IBTK: variants seen among roughly 807,000 people sequenced by gnomAD.
IBTK encodes the protein BTK-binding protein.
Under a neutral mutation model 154.9 loss-of-function variants are expected in IBTK, and 83 were observed. The ratio of observed to expected loss-of-function variants is 0.54; its 90% CI spans 0.45 to 0.64. IBTK has a LOEUF of 0.64. Ranked by LOEUF, IBTK falls within the 30% of genes least tolerant of loss-of-function variation. IBTK has a pLI of 0.00. For synonymous variants in IBTK, 515 were observed against 536.1 expected (o/e 0.96, Z 0.54); for missense variants, 1,332 against 1,584.6 (o/e 0.84, Z 2.71).
At chr6:82,246,039 T>C (rs1380254972) in intron 1 of IBTK, among the ~76,000 whole-genome samples, 1 of 152,190 alleles carries the variant, frequency 6.6e-6, no homozygotes, top group East Asian at 1.9e-4. Context: ...TATGATCACT[T>C]TCATTTTCTG....
intron 6 of IBTK, 32 bp downstream of exon 6, chr6:82,225,445 A>G (rs1269844238): frequency 1.9e-6 from 3 of 1,566,610 alleles, no homozygotes; most frequent in African/African-American, 1.4e-5. Context: ...TTGCAAATGT[A>G]AAACCTTATT....
At position 82,240,368 on chromosome 6, in the gene IBTK, T is replaced by C; in HGVS notation, c.119A>G (p.His40Arg). ...CTTGATAGTTGCAGCATTGTAACAA[T>C]GACTGGAGAGAAAGGCCTTAATCTG... ...ENQIKAFLSS[H>R]CYNAATIKDV... is the part of the protein sequence containing the mutation. The change falls in exon 2 of 29, where the codon CAT (histidine) becomes CGT (arginine). Residue 40 changes from histidine (H) to arginine (R), a missense_variant. By Grantham distance (29) the His-to-Arg change is conservative. Around this residue, in one of 3 missense-constraint regions of IBTK, gnomAD observed 84 missense variants for 96.2 expected, o/e 0.87. Transcript: ENST00000306270. 1.9e-6 allele frequency: 3 copies of C among 1,614,202 alleles called. No homozygotes were observed.
intron 26 of IBTK, among the ~76,000 whole-genome samples, chr6:82,180,162 C>T (rs1248793311): frequency 6.6e-6 from 1 of 152,132 alleles, no homozygotes; most frequent in African/African-American, 2.4e-5. Flanking sequence ...ATAAGCCTAT[C>T]ATAATTATAA....
At chr6:82,206,701 G>A (rs1006089825) in intron 16 of IBTK, among the ~76,000 whole-genome samples, 1 of 151,900 alleles carries the variant, frequency 6.6e-6, no homozygotes, top group African/African-American at 2.4e-5. Flanking sequence ...CTCAAAAAAC[G>A]CTAAGAAACT....
At chr6:82,201,131 A>G (rs1769194014) in intron 19 of IBTK, among the ~76,000 whole-genome samples, 1 of 152,128 alleles carries the variant, frequency 6.6e-6, no homozygotes, top group South Asian at 2.1e-4. Flanking sequence ...ATATGAATTC[A>G]TGTTTTTGCA....
chr6:82,183,153 T>C (rs1430210264), intron 25 of IBTK, among the ~76,000 whole-genome samples: 3 of 152,246 alleles, frequency 2.0e-5, no homozygotes, highest in African/African-American at 4.8e-5. Flanking sequence ...CTCATGCCTG[T>C]AATCCCAACA....
At chr6:82,188,476 T>C (rs1768635594) in intron 25 of IBTK, among the ~76,000 whole-genome samples, 1 of 152,148 alleles carries the variant, frequency 6.6e-6, no homozygotes, top group Non-Finnish European at 1.5e-5. Flanking sequence ...TTGTTTTCAG[T>C]TTGGGCTATT....
chr6:82,230,000 G>C (rs1175949421), intron 4 of IBTK, among the ~76,000 whole-genome samples: 1 of 152,072 alleles, frequency 6.6e-6, no homozygotes, highest in African/African-American at 2.4e-5. Flanking sequence ...CCTAAATATA[G>C]TGGTCATATT....
At chr6:82,232,058 TG>T (rs201478658) in intron 3 of IBTK, among the ~76,000 whole-genome samples, 34 of 111,716 alleles carry the variant, frequency 3.0e-4, no homozygotes, top group East Asian at 8.5e-4. Context: ...TTTTTTTTGT[TG>T]TTGTTTTTTT....
chr6:82,201,339 C>T (rs1013882367), intron 19 of IBTK, 83 bp downstream of exon 19: 2 of 889,840 alleles, frequency 2.2e-6, no homozygotes, highest in African/African-American at 3.5e-5. Flanking sequence ...CATTAGGAAA[C>T]TATTCCATTA....
chr6:82,202,723 A>C, intron 17 of IBTK, 78 bp from the exon 18 acceptor site: 1 of 734,838 alleles, frequency 1.4e-6, no homozygotes, highest in Non-Finnish European at 2.2e-6. Flanking sequence ...TTATGTCTAA[A>C]GCTGTACGAT....
chr6:82,196,153 A>T, intron 22 of IBTK, 145 bp downstream of exon 22: 1 of 635,244 alleles, frequency 1.6e-6, no homozygotes, highest in Non-Finnish European at 2.5e-6. Flanking sequence ...GTGCAAATTT[A>T]AGAAAACTAA....
intron 21 of IBTK, among the ~76,000 whole-genome samples, chr6:82,199,702 C>T (rs1357409502): frequency 6.6e-6 from 1 of 152,158 alleles, no homozygotes; most frequent in Non-Finnish European, 1.5e-5. Context: ...AAATCATCAA[C>T]AGCCACCCAT....
chr6:82,173,237 G>A, intron 27 of IBTK, 130 bp downstream of exon 27: 1 of 583,266 alleles, frequency 1.7e-6, no homozygotes, highest in Non-Finnish European at 3.0e-6. Context: ...CCTGACCTCA[G>A]ATGATCCACC....
At chr6:82,193,997 T>C (rs922004083) in intron 23 of IBTK, among the ~76,000 whole-genome samples, 1 of 152,000 alleles carries the variant, frequency 6.6e-6, no homozygotes, top group Non-Finnish European at 1.5e-5. Context: ...TTGACTTTTC[T>C]AAATAAATGA....
At chr6:82,243,687 A>T (rs1771039728) in intron 1 of IBTK, among the ~76,000 whole-genome samples, 1 of 152,194 alleles carries the variant, frequency 6.6e-6, no homozygotes, top group Non-Finnish European at 1.5e-5. Flanking sequence ...ATAAGTAGGG[A>T]CTATTTATTG....
At chr6:82,220,188 C>T (rs1220453761) in intron 9 of IBTK, among the ~76,000 whole-genome samples, 1 of 151,882 alleles carries the variant, frequency 6.6e-6, no homozygotes, top group Non-Finnish European at 1.5e-5. Flanking sequence ...CTAGCCTGGC[C>T]AATAGAGCGA....
intron 16 of IBTK, 137 bp from the exon 17 acceptor site, chr6:82,205,095 G>C: frequency 2.3e-6 from 1 of 431,354 alleles, no homozygotes; most frequent in Non-Finnish European, 4.2e-6. Flanking sequence ...CACTAGAAAA[G>C]AGATTTAAGA....
chr6:82,232,103 C>T (rs1348684221), intron 3 of IBTK, among the ~76,000 whole-genome samples: 1 of 151,408 alleles, frequency 6.6e-6, no homozygotes, highest in Non-Finnish European at 1.5e-5. Flanking sequence ...TTATGTTGCC[C>T]AGACTGGTCT....
Sources: gnomAD v4.1 joint callset for allele counts (sites outside exome capture counted in the v4.1 genomes callset) on GRCh38, gnomAD v4.1.1 for gene constraint, gnomAD v4.1.1 regional missense constraint, MANE v1.5 for transcripts, NCBI Gene and HGNC (gene_info 2026-07-23, HGNC 2026-07-21) for gene names.